ATAD3C: variants seen among roughly 807,000 people sequenced by gnomAD.
ATAD3C encodes the protein ATPase family AAA domain-containing protein 3C.
Under a neutral mutation model 46.3 loss-of-function variants are expected in ATAD3C, and 38 were observed. The ratio of observed to expected loss-of-function variants is 0.82; its 90% confidence interval spans 0.63 to 1.08. The LOEUF (loss-of-function observed/expected upper bound fraction) is 1.08, where lower values mean the gene tolerates loss of function less well. Among genes scored for constraint, ATAD3C ranks in the 50% least tolerant of loss-of-function variants. The pLI is 0.00. For synonymous variants in ATAD3C, 220 were observed against 236.4 expected, an observed-to-expected ratio of 0.93 and a Z score of 0.63; for missense variants, 563 against 572.7, an observed-to-expected ratio of 0.98 and a Z score of 0.17.
intron 10 of ATAD3C, among the ~76,000 whole-genome samples, chr1:1,461,705 C>A (rs1639069970): frequency 6.7e-6 from 1 of 148,474 alleles, no homozygotes; most frequent in Non-Finnish European, 1.5e-5. Flanking sequence ...AGAGGCTCCT[C>A]ATGAGACCCC....
Position 1,459,375 on chromosome 1 carries a change from G to A in ATAD3C, c.812+144G>A, listed in dbSNP as rs1639020433. Reference sequence around the variant, plus strand: ...AACGTGCCCACCTTGGATGTCCCCTGGGAACGGCCCAGCTCAGGACAGCAC... The same window carrying A: ...AACGTGCCCACCTTGGATGTCCCCTAGGAACGGCCCAGCTCAGGACAGCAC... On this transcript the variant is annotated intron_variant, in intron 9 of 11. Coordinates refer to ENST00000378785, the MANE Select transcript of ATAD3C (RefSeq NM_001039211.3). The surrounding 1 kb of genome is among the most constrained non-coding windows in gnomAD (Gnocchi z 4.9). 1 of 1,517,548 alleles carries A rather than the reference G, an allele frequency of 6.6e-7. No individual in the cohort carries two copies. Among genetic ancestry groups the A allele is most frequent in the Admixed American group, 2.2e-5 (1 of 45,484 alleles). The allele number at this position is 1,517,548 out of a possible 1,614,324, so 94.0% of individuals were successfully genotyped here.
rs1052431996 is a variant in ATAD3C, at chr1:1,455,689, C to T, written c.439-102C>T. 7.9e-5 allele frequency: 123 copies of T among 1,566,798 alleles called. 1 individual carries two copies. Among genetic ancestry groups the T allele is most frequent in the Non-Finnish European group, 1.0e-4 (116 of 1,153,566 alleles). ...TAGGCTGCCCACGAGCTGGGTGGCT[C>T]CCCGGAGAGCGGAGTCCACACCCAG... is the stretch of plus-strand genomic sequence containing the variant. On this transcript the variant is annotated intron_variant, in intron 5 of 11. Transcript: ENST00000378785.
chr1:1,465,532 A>G (rs1169484461), intron 11 of ATAD3C, among the ~76,000 whole-genome samples: 2 of 147,370 alleles, frequency 1.4e-5, no homozygotes, highest in Admixed American at 1.4e-4. Flanking sequence ...CGGAGCTTGC[A>G]GTGAGCCGAG....
intron 11 of ATAD3C, among the ~76,000 whole-genome samples, chr1:1,464,093 G>T (rs1057246530): frequency 6.6e-6 from 1 of 151,320 alleles, no homozygotes; most frequent in Non-Finnish European, 1.5e-5. Context: ...TGTATTCTCA[G>T]CTACTCGGGA....
Position 1,455,444 on chromosome 1 carries a change from T to G in ATAD3C, c.379-16T>G. 1 of 1,610,936 alleles carries G rather than the reference T, an allele frequency of 6.2e-7. No homozygotes were observed. The highest frequency in any genetic ancestry group is 8.5e-7 in the Non-Finnish European group (1 of 1,178,896). Reference sequence around the variant, plus strand: ...CTGTGGCAGGTGACCCAATGGTGCTTCCCCTTCCCCTCCAGCAGGTCAGCC... The same window carrying G: ...CTGTGGCAGGTGACCCAATGGTGCTGCCCCTTCCCCTCCAGCAGGTCAGCC... On this transcript the variant is annotated splice_polypyrimidine_tract_variant and intron_variant, in intron 4 of 11. Coordinates refer to ENST00000378785, the MANE Select transcript of ATAD3C (RefSeq NM_001039211.3).
rs547684545 is a variant in ATAD3C at position 1,462,292 on chromosome 1, CTT to C, written c.981-303_981-302del. Among the ~76,000 whole-genome samples, 321 of 152,138 alleles carry C rather than the reference CTT, an allele frequency of 2.1e-3. 3 individuals are homozygous for C. Among genetic ancestry groups the C allele is most frequent in the African/African-American group, 7.3e-3 (302 of 41,524 alleles). ...GGCTTCTGTGGCCTCCAGGCAGAAG[CTT>C]TTTTGCTAGAACTCAGGGCTCTGCC... is the stretch of plus-strand genomic sequence containing the variant. On this transcript the variant is annotated intron_variant, in intron 10 of 11. Coordinates refer to ENST00000378785, the MANE Select transcript of ATAD3C (RefSeq NM_001039211.3). This position sits in a 1 kb window ranked among gnomAD's most constrained non-coding sequence, Gnocchi z 4.5.
intron 11 of ATAD3C, among the ~76,000 whole-genome samples, chr1:1,464,600 G>A (rs1193122952): frequency 2.0e-5 from 3 of 151,652 alleles, no homozygotes; most frequent in Non-Finnish European, 4.4e-5. Context: ...GTGAAACCCC[G>A]TCTCTACTAA....
chr1:1,454,078 C>T (rs1638908466), intron 3 of ATAD3C, among the ~76,000 whole-genome samples: 1 of 152,210 alleles, frequency 6.6e-6, no homozygotes, highest in Non-Finnish European at 1.5e-5. Flanking sequence ...CCCAGGGCCC[C>T]GCTCAGCGAC....
chr1:1,454,621 C>A, intron 4 of ATAD3C, 121 bp downstream of exon 4: 2 of 1,436,234 alleles, frequency 1.4e-6, no homozygotes, highest in South Asian at 2.9e-5. Flanking sequence ...CAGGCACCCG[C>A]ACGCTGCTTC....
At chr1:1,450,819 T>C in intron 1 of ATAD3C, 61 bp downstream of exon 1, 2 of 1,603,474 alleles carry the variant, frequency 1.2e-6, no homozygotes, top group Non-Finnish European at 1.7e-6. Context: ...GCGTGGAGAT[T>C]GGTAGGGCTA....
chr1:1,466,535 CAAAAAAAA>C (rs35433084), intron 11 of ATAD3C, among the ~76,000 whole-genome samples: 7 of 70,322 alleles, frequency 1.0e-4, no homozygotes, highest in African/African-American at 3.0e-4. Flanking sequence ...GATGTCATCT[CAAAAAAAA>C]AAAAAAAAAA....
intron 11 of ATAD3C, among the ~76,000 whole-genome samples, chr1:1,466,157 G>A (rs1442617207): frequency 1.3e-5 from 2 of 150,440 alleles, no homozygotes; most frequent in Middle Eastern, 3.5e-3. Flanking sequence ...CAGGAGAATC[G>A]CATGAATGCG....
At chr1:1,460,537 C>T (rs929525348) in intron 9 of ATAD3C, among the ~76,000 whole-genome samples, 3 of 152,044 alleles carry the variant, frequency 2.0e-5, no homozygotes, top group Non-Finnish European at 2.9e-5. Context: ...AACAGAGGCC[C>T]AGGAAGCCGG....
At chr1:1,452,177 T>G (rs993802723) in intron 2 of ATAD3C, 55 bp downstream of exon 2, 7 of 1,602,076 alleles carry the variant, frequency 4.4e-6, no homozygotes. Flanking sequence ...CAGGTGTGAG[T>G]CGCTGGTCCC....
intron 11 of ATAD3C, among the ~76,000 whole-genome samples, chr1:1,464,424 C>T (rs1385448766): frequency 1.3e-5 from 2 of 151,104 alleles, no homozygotes; most frequent in Non-Finnish European, 2.9e-5. Context: ...GCACTGCTCA[C>T]AGCGGTGGTG....
intron 3 of ATAD3C, among the ~76,000 whole-genome samples, chr1:1,453,614 G>A (rs1638900777): frequency 6.6e-6 from 1 of 151,602 alleles, no homozygotes; most frequent in Admixed American, 6.6e-5. Flanking sequence ...TGGGATTACA[G>A]GGATGAGCCA....
At chr1:1,460,980 T>C in intron 10 of ATAD3C, 63 bp downstream of exon 10, 1 of 1,522,570 alleles carries the variant, frequency 6.6e-7, no homozygotes, top group South Asian at 1.3e-5. Flanking sequence ...CCCCTGCTCC[T>C]GTTCTCCGGA....
chr1:1,466,557 ATTGTAT>A (rs1167079384), intron 11 of ATAD3C, among the ~76,000 whole-genome samples: 2 of 149,038 alleles, frequency 1.3e-5, no homozygotes, highest in African/African-American at 2.5e-5. Context: ...AAAAAAAAAA[ATTGTAT>A]TTGGCCAAAT....
At chr1:1,451,264 G>A (rs1432577740) in intron 1 of ATAD3C, among the ~76,000 whole-genome samples, 2 of 151,812 alleles carry the variant, frequency 1.3e-5, no homozygotes, top group Admixed American at 6.6e-5. Flanking sequence ...GGATGGTGTC[G>A]ATTTCCTGAT....
Sources: allele counts gnomAD v4.1 joint callset (sites outside exome capture counted in the v4.1 genomes callset), GRCh38; gene constraint gnomAD v4.1.1; non-coding constraint Gnocchi (gnomAD v3.1); transcripts MANE v1.5; gene names NCBI Gene and HGNC (gene_info 2026-07-23, HGNC 2026-07-21).